The following CCDC175 variants were observed in gnomAD, a reference collection of about 807,000 sequenced individuals.
CCDC175 encodes the protein coiled-coil domain containing 175.
Under a neutral mutation model 114.6 loss-of-function variants are expected in CCDC175, and 100 were observed. The observed-to-expected ratio is 0.87, with a 90% CI of 0.74 to 1.03. The LOEUF (loss-of-function observed/expected upper bound fraction) is 1.03. CCDC175 is among the 50% of genes least tolerant of loss of function. CCDC175 has a pLI of 0.00. For missense variants in CCDC175, 880 were observed against 917.8 expected, an observed-to-expected ratio of 0.96 and a Z score of 0.53; for synonymous variants, 306 against 308.7, an observed-to-expected ratio of 0.99 and a Z score of 0.09.
chr14:59,526,186 TTTA>T (rs1404186432), intron 15 of CCDC175, among the ~76,000 whole-genome samples: 2 of 152,240 alleles, frequency 1.3e-5, no homozygotes, highest in Non-Finnish European at 2.9e-5. Flanking sequence ...TTGCATGATA[TTTA>T]TTATTACATA....
chr14:59,544,381 G>A (rs1292847305), intron 9 of CCDC175, among the ~76,000 whole-genome samples: 2 of 151,884 alleles, frequency 1.3e-5, no homozygotes, highest in Non-Finnish European at 2.9e-5. Flanking sequence ...TTATTTTTTT[G>A]TCTCAAATTG....
intron 13 of CCDC175, 56 bp downstream of exon 13, chr14:59,537,967 C>T: frequency 6.2e-6 from 7 of 1,123,902 alleles, no homozygotes; most frequent in South Asian, 1.6e-5. Context: ...AATATTATTC[C>T]CCCTCCCCCT....
chr14:59,525,585 C>T (rs1566602579), intron 15 of CCDC175, 151 bp from the exon 16 acceptor site: 1 of 519,686 alleles, frequency 1.9e-6, no homozygotes. Context: ...AAAAACCTAT[C>T]AACCCCACAT....
chr14:59,555,349 A>G (rs1487750294), intron 7 of CCDC175, among the ~76,000 whole-genome samples: 3 of 152,234 alleles, frequency 2.0e-5, no homozygotes, highest in Non-Finnish European at 4.4e-5. Context: ...TATAAACAGA[A>G]CCAAAGCAAA....
At chr14:59,572,956 A>C in intron 2 of CCDC175, 143 bp from the exon 3 acceptor site, 1 of 550,638 alleles carries the variant, frequency 1.8e-6, no homozygotes. Context: ...TTTGGAACAG[A>C]AACTGGGAAA....
intron 13 of CCDC175, among the ~76,000 whole-genome samples, chr14:59,534,002 A>G (rs1340080893): frequency 6.6e-6 from 1 of 151,730 alleles, no homozygotes; most frequent in Admixed American, 6.6e-5. Flanking sequence ...AAAAAAAAAA[A>G]AAAAGAAACG....
At chr14:59,568,100 C>T (rs1896655766) in intron 4 of CCDC175, 145 bp downstream of exon 4, 1 of 701,524 alleles carries the variant, frequency 1.4e-6, no homozygotes. Context: ...CCTACCCCAT[C>T]AGCCTGGGCC....
chr14:59,540,825 A>G, intron 10 of CCDC175, 79 bp from the exon 11 acceptor site: 4 of 1,196,208 alleles, frequency 3.3e-6, no homozygotes, highest in Middle Eastern at 2.0e-4. Flanking sequence ...CATAATTTGT[A>G]TGCTCAGTAA....
chr14:59,535,285 T>C (rs1894329111), intron 13 of CCDC175, among the ~76,000 whole-genome samples: 1 of 152,168 alleles, frequency 6.6e-6, no homozygotes, highest in Non-Finnish European at 1.5e-5. Flanking sequence ...TGGAGGCTTG[T>C]GTGTAGTGGT....
intron 10 of CCDC175, among the ~76,000 whole-genome samples, chr14:59,541,398 AG>A (rs1894778276): frequency 6.6e-6 from 1 of 152,216 alleles, no homozygotes; most frequent in Non-Finnish European, 1.5e-5. Flanking sequence ...TTTTATCCCC[AG>A]CCCCGCCTTT....
chr14:59,517,704 A>C (rs1213419310), intron 17 of CCDC175, among the ~76,000 whole-genome samples: 1 of 152,242 alleles, frequency 6.6e-6, no homozygotes, highest in Non-Finnish European at 1.5e-5. Context: ...TTCCATGCTC[A>C]CGGGTAGGAA....
chr14:59,568,241 C>T lies in CCDC175; in HGVS notation c.491+4G>A. On this transcript the variant is annotated splice_donor_region_variant and intron_variant, in intron 4 of 19. Coordinates refer to ENST00000537690, the MANE Select transcript of CCDC175 (RefSeq NM_001164399.2). The stretch of plus-strand genomic sequence containing the variant: ...CCTCAAATACTGAATATAAGAATAC[C>T]TACCCCAGAGCTTCATTATATTTTG... 1.3e-6 allele frequency: 2 copies of T among 1,524,060 alleles called. No homozygotes were observed. Among genetic ancestry groups the T allele is most frequent in the South Asian group, 2.5e-5 (2 of 80,550 alleles). The allele number at this position is 1,524,060 out of a possible 1,614,324, so 94.4% of individuals were successfully genotyped here. A position where few individuals can be genotyped will look rare whatever the true frequency, so the allele number is the denominator to read the frequency against.
intron 17 of CCDC175, among the ~76,000 whole-genome samples, chr14:59,518,535 G>A (rs1377124167): frequency 6.6e-6 from 1 of 152,188 alleles, no homozygotes; most frequent in Non-Finnish European, 1.5e-5. Context: ...CTCAAAAGAA[G>A]ACATTTATAC....
chr14:59,510,591 A>G (rs200731850), intron 19 of CCDC175, 55 bp downstream of exon 19: 486 of 1,501,624 alleles, frequency 3.2e-4, no homozygotes, highest in Non-Finnish European at 4.0e-4. Context: ...GTTACCAGCT[A>G]TATAGTAAAA....
chr14:59,515,077 A>G (rs1219145844), intron 17 of CCDC175, among the ~76,000 whole-genome samples: 10 of 152,284 alleles, frequency 6.6e-5, no homozygotes, highest in South Asian at 2.1e-4. Context: ...AGCTTCATAA[A>G]TGAAGGAGAA....
In CCDC175 at chr14:59,545,652, C is replaced by T. The variant is rs1361931243; in HGVS notation, c.1036-353G>A. Among the ~76,000 whole-genome samples the T allele has an allele frequency of 4.6e-5, 7 of 152,084 alleles. No individual in the cohort carries two copies. In the East Asian group the frequency reaches 1.2e-3, roughly 25 times the overall value. ...AATGTAACATCCTCAGAAGCTCTTCCTCAAAACATTTTTGAGTTGATATTA... is the reference window on the plus strand; with the variant it reads ...AATGTAACATCCTCAGAAGCTCTTCTTCAAAACATTTTTGAGTTGATATTA... On this transcript the variant is annotated intron_variant, in intron 8 of 19. Transcript: ENST00000537690.
chr14:59,535,561 C>T (rs998131884), intron 13 of CCDC175, among the ~76,000 whole-genome samples: 1 of 152,146 alleles, frequency 6.6e-6, no homozygotes, highest in African/African-American at 2.4e-5. Context: ...GTTCAAGCTA[C>T]CTTCATTTCT....
At chr14:59,552,521 A>T (rs1321222741) in intron 7 of CCDC175, among the ~76,000 whole-genome samples, 1 of 152,222 alleles carries the variant, frequency 6.6e-6, no homozygotes, top group Non-Finnish European at 1.5e-5. Context: ...ATGGGGAAAA[A>T]ACAGAGCAGA....
intron 13 of CCDC175, among the ~76,000 whole-genome samples, chr14:59,535,565 C>T (rs762757507): frequency 6.6e-6 from 1 of 152,194 alleles, no homozygotes; most frequent in Non-Finnish European, 1.5e-5. Context: ...AAGCTACCTT[C>T]ATTTCTAACT....
Sources: allele counts gnomAD v4.1 joint callset (sites outside exome capture counted in the v4.1 genomes callset), GRCh38; gene constraint gnomAD v4.1.1; transcripts MANE v1.5; gene names NCBI Gene and HGNC (gene_info 2026-07-23, HGNC 2026-07-21).